The following RBFOX1 variants were observed in gnomAD, a reference collection of about 807,000 sequenced individuals.
RBFOX1 encodes RNA binding fox-1 homolog 1, also known as RNA binding protein fox-1 homolog 1.
RBFOX1 carries 8 observed loss-of-function variants against 57.7 expected under a neutral mutation model. That is an observed-to-expected ratio of 0.14 (90% CI 0.08 to 0.25). The LOEUF (loss-of-function observed/expected upper bound fraction) is 0.25. Ranked by LOEUF, RBFOX1 falls within the 10% of genes least tolerant of loss-of-function variation. The pLI is 1.00. For synonymous variants in RBFOX1, 326 were observed against 222.4 expected, an observed-to-expected ratio of 1.47 and a Z score of -4.15; for missense variants, 611 against 548.5, an observed-to-expected ratio of 1.11 and a Z score of -1.14.
chr16:6,607,981 C>G (rs1442903057), intron 2 of RBFOX1, among the ~76,000 whole-genome samples: 2 of 152,180 alleles, frequency 1.3e-5, no homozygotes, highest in Admixed American at 6.5e-5. Flanking sequence ...AACTCTGACC[C>G]TTTACTGGGA....
intron 3 of RBFOX1, among the ~76,000 whole-genome samples, chr16:5,676,858 C>T (rs1269902475): frequency 1.3e-5 from 2 of 149,316 alleles, no homozygotes; most frequent in African/African-American, 2.4e-5. Flanking sequence ...CAAGACTCCA[C>T]CTCAAAAAAA....
chr16:5,381,033 T>G (rs1261232017), intron 1 of RBFOX1, among the ~76,000 whole-genome samples: 1 of 152,184 alleles, frequency 6.6e-6, no homozygotes, highest in Non-Finnish European at 1.5e-5. Context: ...GCTTTGGAAC[T>G]CCCTTGGAGA....
intron 3 of RBFOX1, among the ~76,000 whole-genome samples, chr16:6,961,044 G>A (rs945481410): frequency 1.3e-5 from 2 of 151,612 alleles, no homozygotes; most frequent in African/African-American, 4.9e-5. Flanking sequence ...TCAGGAGGCT[G>A]AGGCAGGAGA....
At chr16:6,820,884 T>A (rs1252639460) in intron 3 of RBFOX1, among the ~76,000 whole-genome samples, 1 of 152,162 alleles carries the variant, frequency 6.6e-6, no homozygotes, top group African/African-American at 2.4e-5. Flanking sequence ...CTGTTTTTCA[T>A]CCTTTGTCAT....
Position 6,637,397 on chromosome 16 carries a change from T to TTAAATATATATATTATATATATA in RBFOX1, c.-63-17187_-63-17186insTATATAAATATATATATTATATA, listed in dbSNP as rs2098452220. Among the ~76,000 whole-genome samples the TTAAATATATATATTATATATATA allele has an allele frequency of 2.9e-4, 2 of 6,824 alleles. 1 individual carries two copies. The highest frequency in any genetic ancestry group is 1.2e-3 in the Non-Finnish European group (2 of 1,706). The allele number at this position is 6,824 out of a possible 152,430, so 4.5% of individuals were successfully genotyped here. ...ATAATATACAAATATATATTATATA[T>TTAAATATATATATTATATATATA]TAAATATATATATTATATAATATAT... On this transcript the variant is annotated intron_variant, in intron 2 of 15. Transcript: ENST00000550418.
intron 3 of RBFOX1, among the ~76,000 whole-genome samples, chr16:5,623,112 G>C (rs1448612322): frequency 1.3e-5 from 2 of 152,148 alleles, no homozygotes; most frequent in Non-Finnish European, 1.5e-5. Flanking sequence ...GTGCTGTCTG[G>C]CCATTTCAGA....
rs112491112 is a variant in RBFOX1 at position 6,798,052 on chromosome 16, C to T, written c.-16+143402C>T. 6.4e-3 allele frequency among the ~76,000 whole-genome samples: 968 copies of T among 151,982 alleles called. 4 individuals are homozygous for T. Among genetic ancestry groups the T allele is most frequent in the Non-Finnish European group, 0.011 (724 of 67,942 alleles). On this transcript the variant is annotated intron_variant, in intron 3 of 15. Coordinates refer to ENST00000550418, the MANE Select transcript of RBFOX1 (RefSeq NM_018723.4). ...ATGATGAAGTTGATAGTGATAAAAC[C>T]CAACACATAGGCATGTTAGAAAGAC...
At chr16:6,048,749 A>C (rs1161694238) in intron 1 of RBFOX1, among the ~76,000 whole-genome samples, 1 of 152,154 alleles carries the variant, frequency 6.6e-6, no homozygotes, top group Non-Finnish European at 1.5e-5. Context: ...GGATATTAAA[A>C]CCTATAAGAG....
chr16:6,113,366 G>T (rs915253205), intron 1 of RBFOX1, among the ~76,000 whole-genome samples: 2 of 152,174 alleles, frequency 1.3e-5, no homozygotes, highest in Admixed American at 6.5e-5. Context: ...GCCACCATTA[G>T]GCTATGATAC....
chr16:5,317,285 G>A (rs917710976), intron 1 of RBFOX1, among the ~76,000 whole-genome samples: 3 of 152,050 alleles, frequency 2.0e-5, no homozygotes, highest in Non-Finnish European at 4.4e-5. Context: ...AAATCACCTA[G>A]TCTGCATATC....
At chr16:6,424,005 C>G (rs1166989958) in intron 2 of RBFOX1, among the ~76,000 whole-genome samples, 1 of 151,994 alleles carries the variant, frequency 6.6e-6, no homozygotes, top group Non-Finnish European at 1.5e-5. Flanking sequence ...TTTGGGAGGC[C>G]GAGGCAGGTG....
intron 4 of RBFOX1, among the ~76,000 whole-genome samples, chr16:7,483,802 T>A (rs999396633): frequency 1.3e-5 from 2 of 152,224 alleles, no homozygotes; most frequent in Non-Finnish European, 2.9e-5. Context: ...ATACTTTTCA[T>A]CCTGGGAAAT....
intron 1 of RBFOX1, among the ~76,000 whole-genome samples, chr16:5,442,586 C>G (rs1465675957): frequency 6.6e-6 from 1 of 152,154 alleles, no homozygotes; most frequent in Non-Finnish European, 1.5e-5. Flanking sequence ...GGAGGACAGC[C>G]ATGTTTCCAG....
At chr16:7,667,031 C>T (rs1408329248) in intron 13 of RBFOX1, among the ~76,000 whole-genome samples, 5 of 152,172 alleles carry the variant, frequency 3.3e-5, no homozygotes, top group Non-Finnish European at 7.3e-5. Context: ...TCGTTTTCCC[C>T]ACTCTTTATA....
At chr16:7,269,043 C>CA (rs56297510) in intron 4 of RBFOX1, among the ~76,000 whole-genome samples, 5,948 of 52,242 alleles carry the variant, frequency 0.11, 1,044 homozygotes, top group Non-Finnish European at 0.16. Flanking sequence ...TCTTCCATCT[C>CA]AAAAAAAAAA....
intron 1 of RBFOX1, among the ~76,000 whole-genome samples, chr16:6,227,884 C>T (rs1376526608): frequency 6.6e-6 from 1 of 152,112 alleles, no homozygotes; most frequent in African/African-American, 2.4e-5. Context: ...TAGGGAGGTT[C>T]CTCAAAAAAT....
At chr16:5,894,280 A>G (rs1244238021) in intron 4 of RBFOX1, among the ~76,000 whole-genome samples, 1 of 152,220 alleles carries the variant, frequency 6.6e-6, no homozygotes, top group East Asian at 1.9e-4. Flanking sequence ...TCAAAACATT[A>G]TAAAAACTTT....
chr16:7,484,043 C>A (rs568192974), intron 4 of RBFOX1, among the ~76,000 whole-genome samples: 1 of 152,286 alleles, frequency 6.6e-6, no homozygotes, highest in East Asian at 1.9e-4. Context: ...AATCAGCTTT[C>A]TGTCCCTGTT....
chr16:6,195,780 G>A (rs1379090636), intron 1 of RBFOX1, among the ~76,000 whole-genome samples: 1 of 152,060 alleles, frequency 6.6e-6, no homozygotes, highest in African/African-American at 2.4e-5. Context: ...GAGGTCATGG[G>A]GTGAGCAGGG....
Sources: allele counts gnomAD v4.1 joint callset (sites outside exome capture counted in the v4.1 genomes callset), GRCh38; gene constraint gnomAD v4.1.1; transcripts MANE v1.5; gene names NCBI Gene and HGNC (gene_info 2026-07-23, HGNC 2026-07-21).